Variants in UPRT observed in about 807,000 individuals in gnomAD.
UPRT encodes the protein uracil phosphoribosyltransferase homolog.
UPRT carries 5 observed loss-of-function variants against 22.6 expected under a neutral mutation model. The ratio of observed to expected loss-of-function variants is 0.22; its 90% confidence interval spans 0.12 to 0.47. The LOEUF (loss-of-function observed/expected upper bound fraction) is 0.47, where lower values mean the gene tolerates loss of function less well. Among genes scored for constraint, UPRT ranks in the 20% least tolerant of loss-of-function variants. The pLI is 0.99. For missense variants in UPRT, 181 were observed against 239.9 expected, an observed-to-expected ratio of 0.75 and a Z score of 1.62; for synonymous variants, 77 against 87.7, an observed-to-expected ratio of 0.88 and a Z score of 0.68.
At chrX:75,248,966 A>G (rs945209031) in intron 4 of UPRT, among the ~76,000 whole-genome samples, 4 of 111,631 alleles carry the variant, frequency 3.6e-5, no homozygotes, top group African/African-American at 1.3e-4. Context: ...ACTAAGCTTC[A>G]TAAGTGAAGG....
chrX:75,162,756 G>T (rs2147599802), intron 2 of UPRT, among the ~76,000 whole-genome samples: 1 of 111,478 alleles, frequency 9.0e-6, no homozygotes, highest in South Asian at 3.8e-4. Flanking sequence ...GGCAGAATCA[G>T]ATTTTTTTAA....
intron 4 of UPRT, among the ~76,000 whole-genome samples, chrX:75,219,176 C>G (rs950347798): frequency 8.9e-6 from 1 of 112,032 alleles, no homozygotes; most frequent in Non-Finnish European, 1.9e-5. Flanking sequence ...CCTAACAGCT[C>G]ATTTCATTTG....
intron 4 of UPRT, among the ~76,000 whole-genome samples, chrX:75,202,044 C>T (rs1440026393): frequency 6.3e-5 from 7 of 111,528 alleles, no homozygotes; most frequent in Non-Finnish European, 1.3e-4. Flanking sequence ...AGGTTAGGCA[C>T]TTGGATTCAC....
chrX:75,182,434 C>G (rs1448282287), intron 4 of UPRT, among the ~76,000 whole-genome samples: 2 of 111,541 alleles, frequency 1.8e-5, no homozygotes, highest in East Asian at 2.8e-4. Flanking sequence ...TGAAATGGTA[C>G]CAGCTCTTCT....
At chrX:75,156,899 T>TCACACACACACACACA (rs753344635) in intron 1 of UPRT, among the ~76,000 whole-genome samples, 2 of 99,545 alleles carry the variant, frequency 2.0e-5, no homozygotes, top group African/African-American at 7.6e-5. Flanking sequence ...TGGGACAGTC[T>TCACACACACACACACA]CACACACACA....
At chrX:75,178,582 C>T (rs993618215) in intron 4 of UPRT, among the ~76,000 whole-genome samples, 7 of 110,699 alleles carry the variant, frequency 6.3e-5, no homozygotes, top group African/African-American at 1.6e-4. Flanking sequence ...CAGATGTGTT[C>T]GGAGTTTCTT....
intron 4 of UPRT, among the ~76,000 whole-genome samples, chrX:75,176,790 A>G (rs1337254493): frequency 9.0e-6 from 1 of 111,208 alleles, no homozygotes; most frequent in Admixed American, 9.5e-5. Flanking sequence ...CTCAGTGAAA[A>G]GAAAGCTTGG....
chrX:75,263,539 T>C (rs1022646836), intron 4 of UPRT, among the ~76,000 whole-genome samples: 2 of 112,178 alleles, frequency 1.8e-5, no homozygotes, highest in Admixed American at 9.5e-5. Context: ...GATGGTAGTC[T>C]GTATTTCTGT....
In UPRT at chrX:75,293,521, G is replaced by A. The variant is rs1230795269; in HGVS notation, c.429+7G>A. The A allele has an allele frequency of 8.4e-7, 1 of 1,194,062 alleles. No homozygotes were observed. The highest frequency in any genetic ancestry group is 2.3e-5 in the Admixed American group (1 of 42,599). On this transcript the variant is annotated splice_region_variant and intron_variant, in intron 2 of 6. Transcript: ENST00000373383. ...GTTTTCTGCGGATCGTTTGGTAGGT[G>A]GGGGCTTTTCATTTTCATTTCATTG...
intron 4 of UPRT, among the ~76,000 whole-genome samples, chrX:75,265,099 G>T (rs2052043412): frequency 9.0e-6 from 1 of 111,531 alleles, no homozygotes; most frequent in African/African-American, 3.3e-5. Flanking sequence ...CTTTCTCTCT[G>T]GCTGCCCTTA....
chrX:75,166,843 T>C (rs1455931839), intron 3 of UPRT, among the ~76,000 whole-genome samples: 2 of 112,362 alleles, frequency 1.8e-5, no homozygotes, highest in East Asian at 5.6e-4. Flanking sequence ...ATTTTCTACA[T>C]CTGGTGTTTT....
chrX:75,263,114 C>A (rs1047733449), intron 4 of UPRT, among the ~76,000 whole-genome samples: 4 of 111,940 alleles, frequency 3.6e-5, no homozygotes, highest in African/African-American at 1.3e-4. Flanking sequence ...CCTCTCAGAC[C>A]ACAGTGCAAT....
At chrX:75,239,380 T>C (rs2082480638) in intron 4 of UPRT, among the ~76,000 whole-genome samples, 1 of 111,054 alleles carries the variant, frequency 9.0e-6, no homozygotes, top group Non-Finnish European at 1.9e-5. Context: ...CCTTGAAATA[T>C]ACAACCCCCC....
Position 75,288,812 on chromosome X carries a change from A to C in UPRT, c.387-4660A>C, listed in dbSNP as rs775045617. Among the ~76,000 whole-genome samples the C allele has an allele frequency of 2.7e-5, 3 of 111,773 alleles. No individual in the cohort carries two copies. In the South Asian group the frequency reaches 1.1e-3, roughly 42 times the overall value. On this transcript the variant is annotated intron_variant, in intron 1 of 6. Transcript: ENST00000373383. ...ATACTCACTCTCACCACTCCTATTCAACACAGTACTGGAAGTGCTAGCAAG... is the reference window on the plus strand; with the variant it reads ...ATACTCACTCTCACCACTCCTATTCCACACAGTACTGGAAGTGCTAGCAAG...
chrX:75,286,195 T>C (rs2082679013), intron 1 of UPRT, among the ~76,000 whole-genome samples: 1 of 110,340 alleles, frequency 9.1e-6, no homozygotes, highest in Non-Finnish European at 1.9e-5. Context: ...TTAGATTGCC[T>C]GGCAAAGTAC....
At chrX:75,274,665 G>C (rs771089770) in intron 1 of UPRT, 25 bp downstream of exon 1, 1 of 1,167,812 alleles carries the variant, frequency 8.6e-7, no homozygotes, top group South Asian at 2.0e-5. Flanking sequence ...GAAGGGGAAA[G>C]GGAAGTGGAG....
intron 4 of UPRT, among the ~76,000 whole-genome samples, chrX:75,192,468 T>C (rs1476230896): frequency 1.6e-4 from 18 of 111,763 alleles, no homozygotes; most frequent in Non-Finnish European, 5.6e-5. Context: ...TGTACATGTC[T>C]ATTAGGTCTA....
chrX:75,243,205 C>T (rs2082493819), intron 4 of UPRT, among the ~76,000 whole-genome samples: 2 of 111,355 alleles, frequency 1.8e-5, no homozygotes, highest in Admixed American at 1.9e-4. Context: ...CTATCCATGA[C>T]CTCTGTAACC....
chrX:75,216,987 C>T (rs2082395069), intron 4 of UPRT, among the ~76,000 whole-genome samples: 1 of 111,712 alleles, frequency 9.0e-6, no homozygotes, highest in Non-Finnish European at 1.9e-5. Context: ...ATCTCCTGAC[C>T]TCATGATCCG....
Sources: allele counts gnomAD v4.1 joint callset (sites outside exome capture counted in the v4.1 genomes callset), GRCh38; gene constraint gnomAD v4.1.1; transcripts MANE v1.5; gene names NCBI Gene and HGNC (gene_info 2026-07-23, HGNC 2026-07-21).